DAB2IP: variants seen among roughly 807,000 people sequenced by gnomAD.
DAB2IP encodes disabled homolog 2-interacting protein.
DAB2IP carries 28 observed loss-of-function variants against 107.2 expected under a neutral mutation model. The ratio of observed to expected loss-of-function variants is 0.26; its 90% confidence interval spans 0.19 to 0.36. The LOEUF is 0.36. Ranked by LOEUF, DAB2IP falls within the 10% of genes least tolerant of loss-of-function variation. The probability of loss-of-function intolerance (pLI) is 1.00; values close to 1 mark genes in which losing one functional copy is unlikely to be tolerated. For synonymous variants in DAB2IP, 755 were observed against 706.4 expected, an observed-to-expected ratio of 1.07 and a Z score of -1.09; for missense variants, 1,400 against 1,644.7, an observed-to-expected ratio of 0.85 and a Z score of 2.57.
rs146244077 is a variant in DAB2IP at position 121,618,826 on chromosome 9, T to C, written c.40+51598T>C. Among the ~76,000 whole-genome samples the C allele has an allele frequency of 9.2e-5, 14 of 152,320 alleles. No individual in the cohort carries two copies. In the East Asian group the frequency reaches 2.7e-3, roughly 29 times the overall value. On this transcript the variant is annotated intron_variant, in intron 1 of 16. Coordinates refer to the DAB2IP transcript ENST00000259371. ...GAAAAGAGCATCATAATCGGTTTAA[T>C]TATTTGTGCCTTTGCCTTGGTGGTG...
At chr9:121,742,533 G>T (rs1302009741) in intron 3 of DAB2IP, among the ~76,000 whole-genome samples, 1 of 152,198 alleles carries the variant, frequency 6.6e-6, no homozygotes, top group African/African-American at 2.4e-5. Context: ...GTGCTGAGAC[G>T]CAGACAGTCC....
At chr9:121,627,502 A>G (rs1831703608) in intron 1 of DAB2IP, among the ~76,000 whole-genome samples, 1 of 152,138 alleles carries the variant, frequency 6.6e-6, no homozygotes, top group Non-Finnish European at 1.5e-5. Context: ...ATGAATTTAA[A>G]ATGGACGTTT....
intron 1 of DAB2IP, among the ~76,000 whole-genome samples, chr9:121,567,385 G>A (rs1295433332): frequency 6.6e-6 from 1 of 152,204 alleles, no homozygotes; most frequent in East Asian, 1.9e-4. Flanking sequence ...GGTGCGTTGG[G>A]CTATGAGACT....
intron 1 of DAB2IP, among the ~76,000 whole-genome samples, chr9:121,640,354 T>C (rs1589439130): frequency 6.8e-6 from 1 of 147,650 alleles, no homozygotes; most frequent in African/African-American, 2.7e-5. Context: ...CATGGGAGCC[T>C]GTGTCAGGGG....
chr9:121,568,674 C>A (rs552677339), intron 1 of DAB2IP, among the ~76,000 whole-genome samples: 8 of 152,174 alleles, frequency 5.3e-5, no homozygotes, highest in Non-Finnish European at 1.2e-4. Context: ...CAGAGCTGTT[C>A]ACTGGAAGCT....
At position 121,691,453 on chromosome 9, in the gene DAB2IP, A is replaced by T. The variant is rs1296412660; in HGVS notation, c.229-7872A>T. ...GGGCTGGTCTCTGGTGGTCAAAGGAAGTGATAGCAGTGAGCCGAGATCGCG... is the reference window on the plus strand; with the variant it reads ...GGGCTGGTCTCTGGTGGTCAAAGGATGTGATAGCAGTGAGCCGAGATCGCG... On this transcript the variant is annotated intron_variant, in intron 2 of 15. Coordinates refer to ENST00000408936, the Ensembl canonical transcript of DAB2IP. Among the ~76,000 whole-genome samples the T allele has an allele frequency of 2.0e-5, 3 of 150,926 alleles. No individual in the cohort carries two copies. In the East Asian group the frequency reaches 5.9e-4, roughly 30 times the overall value.
chr9:121,761,407 C>T (rs1161813981), intron 6 of DAB2IP, among the ~76,000 whole-genome samples: 1 of 152,204 alleles, frequency 6.6e-6, no homozygotes, highest in Non-Finnish European at 1.5e-5. Flanking sequence ...TGAGGGGCAC[C>T]CTGTGTCAAG....
At chr9:121,762,766 G>A (rs1163088978) in intron 6 of DAB2IP, among the ~76,000 whole-genome samples, 2 of 152,238 alleles carry the variant, frequency 1.3e-5, no homozygotes, top group Non-Finnish European at 2.9e-5. Context: ...GCACAAGGAG[G>A]TGGGGGCTTC....
chr9:121,724,780 G>T (rs1400274962), intron 3 of DAB2IP, among the ~76,000 whole-genome samples: 2 of 152,188 alleles, frequency 1.3e-5, no homozygotes, highest in African/African-American at 4.8e-5. Context: ...TTTTAGCCCA[G>T]TGTCTGTGGC....
intron 1 of DAB2IP, among the ~76,000 whole-genome samples, chr9:121,619,880 T>A (rs1439853380): frequency 6.6e-6 from 1 of 152,020 alleles, no homozygotes; most frequent in Non-Finnish European, 1.5e-5. Flanking sequence ...AGGTAGGAAG[T>A]TATTCTTTGT....
chr9:121,582,047 G>A (rs536625836), intron 1 of DAB2IP, among the ~76,000 whole-genome samples: 8 of 152,206 alleles, frequency 5.3e-5, no homozygotes, highest in Non-Finnish European at 1.0e-4. Flanking sequence ...GTTGGGGGCC[G>A]TGGGGGGAAG....
chr9:121,765,209 C>A (rs1834191970), intron 8 of DAB2IP, among the ~76,000 whole-genome samples: 1 of 151,836 alleles, frequency 6.6e-6, no homozygotes, highest in African/African-American at 2.4e-5. Flanking sequence ...TCCCCCTCCC[C>A]CTCTTCCAGG....
intron 2 of DAB2IP, among the ~76,000 whole-genome samples, chr9:121,694,491 A>G (rs1048677664): frequency 6.6e-6 from 1 of 152,166 alleles, no homozygotes; most frequent in African/African-American, 2.4e-5. Flanking sequence ...AAATGAGTGA[A>G]TGAAGAAATC....
chr9:121,700,645 A>G (rs925425637), intron 3 of DAB2IP, among the ~76,000 whole-genome samples: 3 of 151,884 alleles, frequency 2.0e-5, no homozygotes, highest in African/African-American at 4.8e-5. Context: ...TTACAGCCCA[A>G]CTCCTGCCCA....
chr9:121,676,635 G>GCACACACACACACACA (rs35324441), intron 1 of DAB2IP, among the ~76,000 whole-genome samples: 2,669 of 150,438 alleles, frequency 0.018, 31 homozygotes, highest in Non-Finnish European at 0.023. Flanking sequence ...TTCTGCAGAC[G>GCACACACACACACACA]CACACACACA....
chr9:121,758,824 AG>A, intron 4 of DAB2IP, 73 bp from the exon 5 acceptor site: 1 of 1,381,898 alleles, frequency 7.2e-7, no homozygotes, highest in Non-Finnish European at 1.0e-6. Flanking sequence ...TGAGCCTCCA[AG>A]GTCTTCTTCC....
intron 1 of DAB2IP, among the ~76,000 whole-genome samples, chr9:121,660,480 G>A (rs1284150950): frequency 2.6e-5 from 4 of 152,184 alleles, no homozygotes; most frequent in African/African-American, 7.2e-5. Flanking sequence ...AGGCCAGTCC[G>A]CTTCCTGGGG....
At chr9:121,715,418 T>C (rs1003584959) in intron 3 of DAB2IP, among the ~76,000 whole-genome samples, 2 of 151,310 alleles carry the variant, frequency 1.3e-5, no homozygotes, top group African/African-American at 4.9e-5. Flanking sequence ...AGTGGCAGGA[T>C]CTCGGCTCAC....
At chr9:121,663,472 G>A (rs1281210469) in intron 1 of DAB2IP, among the ~76,000 whole-genome samples, 1 of 152,090 alleles carries the variant, frequency 6.6e-6, no homozygotes, top group Non-Finnish European at 1.5e-5. Flanking sequence ...AGGATCCTCC[G>A]GGCAGGAATG....
Sources: allele counts gnomAD v4.1 joint callset (sites outside exome capture counted in the v4.1 genomes callset), GRCh38; gene constraint gnomAD v4.1.1; transcripts MANE v1.5; gene names NCBI Gene and HGNC (gene_info 2026-07-23, HGNC 2026-07-21).